Variants in FAM168A observed in about 807,000 individuals in gnomAD.
FAM168A encodes the protein family with sequence similarity 168 member A, also known as protein FAM168A.
Under a neutral mutation model 28.5 loss-of-function variants are expected in FAM168A, and 3 were observed. The ratio of observed to expected loss-of-function variants is 0.11; its 90% CI spans 0.05 to 0.27. The LOEUF (loss-of-function observed/expected upper bound fraction) is 0.27. Ranked by LOEUF, FAM168A falls within the 10% of genes least tolerant of loss-of-function variation. The probability of loss-of-function intolerance (pLI) is 1.00; values close to 1 mark genes in which losing one functional copy is unlikely to be tolerated. For synonymous variants in FAM168A, 122 were observed against 124.2 expected (o/e 0.98, Z 0.12); for missense variants, 222 against 311.5 (o/e 0.71, Z 2.16).
chr11:73,530,790 T>C (rs889774669), intron 1 of FAM168A, among the ~76,000 whole-genome samples: 2 of 152,210 alleles, frequency 1.3e-5, no homozygotes, highest in Admixed American at 6.5e-5. Context: ...CCTGACTAAG[T>C]AGGATAAATG....
Position 73,510,331 on chromosome 11 carries a change from C to T in FAM168A, c.-18-41839G>A, listed in dbSNP as rs78172401. On this transcript the variant is annotated intron_variant, in intron 1 of 7. Coordinates refer to ENST00000356467, the MANE Select transcript of FAM168A (RefSeq NM_015159.3). ...ATAAGAGATAAGGCGTAATCTCTGTCCTCTAAAGAGCACGTGACCTTATGT... is the reference window on the plus strand; with the variant it reads ...ATAAGAGATAAGGCGTAATCTCTGTTCTCTAAAGAGCACGTGACCTTATGT... Among the ~76,000 whole-genome samples the T allele has an allele frequency of 3.3e-5, 5 of 152,232 alleles. No individual in the cohort carries two copies. In the East Asian group the frequency reaches 9.7e-4, roughly 29 times the overall value.
rs879175568 is a variant in FAM168A, at chr11:73,407,711, GC to G, written c.596-69del. On this transcript the variant is annotated intron_variant, in intron 6 of 7. Transcript: ENST00000356467. ...CAGACACAGGAATGAAGAGGATGAA[GC>G]TACAGTCTTTCACATGGCTGCTCCC... The G allele has an allele frequency of 7.5e-5, 99 of 1,327,532 alleles. 1 individual carries two copies. In the South Asian group the frequency reaches 1.2e-3, roughly 16 times the overall value. 82.2% of individuals were successfully genotyped at this position (1,327,532 alleles called of 1,614,324 possible).
intron 1 of FAM168A, among the ~76,000 whole-genome samples, chr11:73,573,913 A>C (rs1313102159): frequency 6.6e-6 from 1 of 151,904 alleles, no homozygotes; most frequent in African/African-American, 2.4e-5. Flanking sequence ...TATGAGCGGG[A>C]CTCTGCACTC....
At chr11:73,513,187 GTTTTGTTTTTTTTTTTAATTT>G (rs1176498863) in intron 1 of FAM168A, among the ~76,000 whole-genome samples, 1 of 140,140 alleles carries the variant, frequency 7.1e-6, no homozygotes, top group Non-Finnish European at 1.6e-5. Flanking sequence ...CCAGGTCAAA[GTTTTGTTTTTTTTTTTAATTT>G]TTTTTTTTTT....
At chr11:73,492,895 C>T (rs2134610346) in intron 1 of FAM168A, among the ~76,000 whole-genome samples, 1 of 152,234 alleles carries the variant, frequency 6.6e-6, no homozygotes, top group Middle Eastern at 3.4e-3. Flanking sequence ...GGCCATTATC[C>T]TCTATTCATT....
At chr11:73,451,964 T>C (rs1867439128) in intron 2 of FAM168A, 1 of 152,246 alleles carries the variant, frequency 6.6e-6, no homozygotes, top group South Asian at 2.1e-4. Flanking sequence ...CTCATCTTTC[T>C]TGATTTGTGT....
intron 3 of FAM168A, among the ~76,000 whole-genome samples, chr11:73,423,637 T>C (rs1866835964): frequency 6.6e-6 from 1 of 152,224 alleles, no homozygotes; most frequent in Admixed American, 6.5e-5. Context: ...CCATCAATCA[T>C]GAGCTGAAGA....
intron 1 of FAM168A, among the ~76,000 whole-genome samples, chr11:73,507,935 A>G (rs1280374874): frequency 6.6e-6 from 1 of 152,066 alleles, no homozygotes; most frequent in African/African-American, 2.4e-5. Flanking sequence ...TCCCCTGGGT[A>G]TACCGAGGGA....
chr11:73,539,557 G>A (rs953356204), intron 1 of FAM168A, among the ~76,000 whole-genome samples: 3 of 152,020 alleles, frequency 2.0e-5, no homozygotes, highest in Non-Finnish European at 4.4e-5. Flanking sequence ...GTGAGCCATC[G>A]GGCCCAGACA....
At chr11:73,443,528 G>A (rs58543491) in intron 2 of FAM168A, among the ~76,000 whole-genome samples, 2,721 of 152,232 alleles carry the variant, frequency 0.018, 82 homozygotes, top group African/African-American at 0.061. Flanking sequence ...GGATTGGAAA[G>A]GTTGCTGCAA....
intron 1 of FAM168A, among the ~76,000 whole-genome samples, chr11:73,558,583 T>C (rs886718646): frequency 1.3e-5 from 2 of 148,324 alleles, no homozygotes; most frequent in African/African-American, 5.0e-5. Context: ...GGAACTTTTA[T>C]AATTCAACAA....
At chr11:73,544,721 T>TTTATATGTAA (rs1555034866) in intron 1 of FAM168A, among the ~76,000 whole-genome samples, 3 of 117,146 alleles carry the variant, frequency 2.6e-5, no homozygotes. Context: ...AATTATATAT[T>TTTATATGTAA]TTATATGTAA....
intron 1 of FAM168A, among the ~76,000 whole-genome samples, chr11:73,524,658 C>T (rs1043027676): frequency 6.6e-6 from 1 of 151,924 alleles, no homozygotes; most frequent in African/African-American, 2.4e-5. Context: ...AGTACAGTGG[C>T]ATGTTCTCAG....
At position 73,481,582 on chromosome 11, in the gene FAM168A, G is replaced by A. The variant is rs185328346; in HGVS notation, c.-18-13090C>T. On this transcript the variant is annotated intron_variant, in intron 1 of 7. Coordinates refer to ENST00000356467, the MANE Select transcript of FAM168A (RefSeq NM_015159.3). ...GCAATCCTCAGAGTCTCTCTTTAAC[G>A]GTTACTTACAAGAGGTTACATTTGC... Among the ~76,000 whole-genome samples, 75 of 152,142 alleles carry A rather than the reference G, an allele frequency of 4.9e-4. 1 individual carries two copies. Among genetic ancestry groups the A allele is most frequent in the African/African-American group, 1.7e-3 (71 of 41,508 alleles).
chr11:73,572,810 T>C (rs1944120418), intron 1 of FAM168A, among the ~76,000 whole-genome samples: 1 of 151,976 alleles, frequency 6.6e-6, no homozygotes, highest in Non-Finnish European at 1.5e-5. Flanking sequence ...TGACCTTCCT[T>C]CCACTATTGT....
At position 73,438,907 on chromosome 11, in the gene FAM168A, G is replaced by A. The variant is rs115835112; in HGVS notation, c.71-8137C>T. ...GGGCTAAGAAGCTACAAAGAATGAC[G>A]GGAAACACTCTAACTGCAGGGTTTG... On this transcript the variant is annotated intron_variant, in intron 2 of 7. Transcript: ENST00000356467. Among the ~76,000 whole-genome samples, 1,113 of 152,148 alleles carry A rather than the reference G, an allele frequency of 7.3e-3. 16 individuals carry two copies. The highest frequency in any genetic ancestry group is 0.026 in the African/African-American group (1,071 of 41,450).
chr11:73,431,534 T>C (rs1045475573), intron 2 of FAM168A, among the ~76,000 whole-genome samples: 3 of 152,192 alleles, frequency 2.0e-5, no homozygotes, highest in African/African-American at 7.2e-5. Context: ...GGTGTGCTGG[T>C]AAATATTTAA....
intron 1 of FAM168A, among the ~76,000 whole-genome samples, chr11:73,508,761 T>C (rs1389747110): frequency 6.6e-6 from 1 of 152,052 alleles, no homozygotes; most frequent in Non-Finnish European, 1.5e-5. Context: ...GGGTACAGCC[T>C]CCTGGCAGCA....
chr11:73,520,275 C>G lies in FAM168A; in HGVS notation c.-18-51783G>C, dbSNP rs1943359436. Among the ~76,000 whole-genome samples the G allele has an allele frequency of 2.6e-5, 4 of 151,980 alleles. No homozygotes were observed. The South Asian group carries it at 8.3e-4, about 32-fold the overall frequency. On this transcript the variant is annotated intron_variant, in intron 1 of 7. Coordinates refer to ENST00000356467, the MANE Select transcript of FAM168A (RefSeq NM_015159.3). ...ATGTTGGCCAGGATGGTCTCGATCT[C>G]CTGACCTCGTGATCCACCCGCCTCA...
Sources: allele counts gnomAD v4.1 joint callset (sites outside exome capture counted in the v4.1 genomes callset), GRCh38; gene constraint gnomAD v4.1.1; transcripts MANE v1.5; gene names NCBI Gene and HGNC (gene_info 2026-07-23, HGNC 2026-07-21).